Variants in DPF3 observed in about 807,000 individuals in gnomAD.
The protein encoded by DPF3 is double PHD fingers 3.
DPF3 carries 18 observed loss-of-function variants against 56.8 expected under a neutral mutation model. The ratio of observed to expected loss-of-function variants is 0.32; its 90% CI spans 0.22 to 0.47. The LOEUF (loss-of-function observed/expected upper bound fraction) is 0.47, where lower values mean the gene tolerates loss of function less well. Ranked by LOEUF, DPF3 falls within the 20% of genes least tolerant of loss-of-function variation. The pLI is 1.00. For synonymous variants in DPF3, 188 were observed against 180.2 expected (o/e 1.04, Z -0.35); for missense variants, 403 against 488.8 (o/e 0.82, Z 1.65).
intron 2 of DPF3, among the ~76,000 whole-genome samples, chr14:72,764,353 G>A (rs1400554804): frequency 1.3e-5 from 2 of 152,088 alleles, no homozygotes; most frequent in Non-Finnish European, 2.9e-5. Context: ...TGGCTCACCT[G>A]GAGAAGGCAT....
chr14:72,838,908 C>CTTTTTTTTTTTTTT lies in DPF3; in HGVS notation c.32+55135_32+55148dup, dbSNP rs376458640. ...TATCATATATATTATCATATATATT[C>CTTTTTTTTTTTTTT]TTTTTTTTTTTTTTTTTTTTTTTTT... On this transcript the variant is annotated intron_variant, in intron 1 of 10. Coordinates refer to ENST00000556509, the MANE Select transcript of DPF3 (RefSeq NM_001280542.3). Among the ~76,000 whole-genome samples, 21 of 78,586 alleles carry CTTTTTTTTTTTTTT rather than the reference C, an allele frequency of 2.7e-4. 3 individuals carry two copies. Among genetic ancestry groups the CTTTTTTTTTTTTTT allele is most frequent in the African/African-American group, 1.2e-3 (18 of 14,410 alleles). The allele number at this position is 78,586 out of a possible 152,430, so 51.6% of individuals were successfully genotyped here.
At chr14:72,731,323 G>C (rs1184114466) in intron 4 of DPF3, 1 of 164,112 alleles carries the variant, frequency 6.1e-6, no homozygotes, top group Non-Finnish European at 1.3e-5. Context: ...GCATGGGCTT[G>C]AGGGATGGCT....
At chr14:72,862,236 G>A (rs1162267965) in intron 1 of DPF3, among the ~76,000 whole-genome samples, 1 of 152,072 alleles carries the variant, frequency 6.6e-6, no homozygotes, top group Non-Finnish European at 1.5e-5. Flanking sequence ...CAATGCACCT[G>A]CTCTTGGCCA....
chr14:72,872,479 C>T (rs901924502), intron 1 of DPF3, among the ~76,000 whole-genome samples: 2 of 152,216 alleles, frequency 1.3e-5, no homozygotes, highest in Non-Finnish European at 2.9e-5. Context: ...ATGCCTTTAA[C>T]AGCACCCAAG....
chr14:72,753,072 C>T (rs1403910123), intron 3 of DPF3, among the ~76,000 whole-genome samples, 192 bp downstream of exon 3: 1 of 152,166 alleles, frequency 6.6e-6, no homozygotes, highest in Admixed American at 6.5e-5. Context: ...GGGAGAAAAG[C>T]TCAGGTGGAC....
chr14:72,745,790 A>G (rs983288090), intron 3 of DPF3, among the ~76,000 whole-genome samples: 3 of 152,202 alleles, frequency 2.0e-5, no homozygotes, highest in African/African-American at 7.2e-5. Flanking sequence ...CGCGCGAAGT[A>G]TCAGCCAAAA....
intron 9 of DPF3, among the ~76,000 whole-genome samples, chr14:72,628,043 T>C (rs192727302): frequency 8.5e-5 from 13 of 152,220 alleles, no homozygotes; most frequent in African/African-American, 2.6e-4. Flanking sequence ...AGATATACTA[T>C]CATATAATAC....
intron 1 of DPF3, among the ~76,000 whole-genome samples, chr14:72,867,639 C>T (rs779755749): frequency 2.6e-5 from 4 of 152,200 alleles, no homozygotes; most frequent in East Asian, 1.9e-4. Context: ...AGATGCCCCG[C>T]CCTCCATGAC....
At chr14:72,767,096 A>G (rs1891318650) in intron 2 of DPF3, among the ~76,000 whole-genome samples, 1 of 152,234 alleles carries the variant, frequency 6.6e-6, no homozygotes, top group Non-Finnish European at 1.5e-5. Flanking sequence ...GAGGATGTCA[A>G]CAGAAGCCAA....
At chr14:72,844,122 G>C (rs1226783142) in intron 1 of DPF3, among the ~76,000 whole-genome samples, 1 of 152,172 alleles carries the variant, frequency 6.6e-6, no homozygotes, top group Non-Finnish European at 1.5e-5. Flanking sequence ...GACAAAAGGA[G>C]TACTGAGATA....
intron 5 of DPF3, among the ~76,000 whole-genome samples, chr14:72,719,752 C>T (rs1013804567): frequency 1.3e-5 from 2 of 152,114 alleles, no homozygotes; most frequent in African/African-American, 4.8e-5. Context: ...TTTGCTTGCC[C>T]CCTCCTGATA....
At chr14:72,874,072 T>TAA (rs60863230) in intron 1 of DPF3, among the ~76,000 whole-genome samples, 33,787 of 129,518 alleles carry the variant, frequency 0.26, 4,340 homozygotes, top group East Asian at 0.5. Flanking sequence ...TAAAGTATGA[T>TAA]AAAAAAAAAA....
At chr14:72,678,651 T>G (rs921877311) in intron 7 of DPF3, among the ~76,000 whole-genome samples, 13 of 152,220 alleles carry the variant, frequency 8.5e-5, no homozygotes, top group African/African-American at 2.4e-4. Context: ...GTAAGTGGGA[T>G]TTAAATAGAG....
At chr14:72,642,188 C>T (rs1391936789) in intron 8 of DPF3, among the ~76,000 whole-genome samples, 1 of 152,254 alleles carries the variant, frequency 6.6e-6, no homozygotes, top group African/African-American at 2.4e-5. Context: ...TGTGACACAC[C>T]ACCCACCCAA....
intron 3 of DPF3, among the ~76,000 whole-genome samples, chr14:72,735,073 T>A (rs1258127314): frequency 6.6e-6 from 1 of 152,082 alleles, no homozygotes; most frequent in East Asian, 1.9e-4. Context: ...TTAAACTCAA[T>A]CTGCCTTCAG....
chr14:72,815,634 G>A (rs1411744219), intron 1 of DPF3, among the ~76,000 whole-genome samples: 3 of 152,218 alleles, frequency 2.0e-5, no homozygotes, highest in East Asian at 3.8e-4. Context: ...ACAGTGGAAC[G>A]CACCCATACA....
chr14:72,776,206 T>C (rs1461145910), intron 1 of DPF3, among the ~76,000 whole-genome samples: 1 of 152,112 alleles, frequency 6.6e-6, no homozygotes, highest in Non-Finnish European at 1.5e-5. Flanking sequence ...ATTGATGTCT[T>C]AGGCTAGAGG....
Position 72,611,116 on chromosome 14 carries a change from C to T in DPF3, c.*8181G>A, listed in dbSNP as rs1599298372. ...CCCAGAGGAGCCTTCCCTTGGGCCA[C>T]CCCCCACAGAGAAGCTATAGCTCTG... On this transcript the variant is annotated 3_prime_UTR_variant, in exon 11 of 11. Coordinates refer to ENST00000556509, the MANE Select transcript of DPF3 (RefSeq NM_001280542.3). Among the ~76,000 whole-genome samples, 2 of 152,288 alleles carry T rather than the reference C, an allele frequency of 1.3e-5. No homozygotes were observed. Among genetic ancestry groups the T allele is most frequent in the East Asian group, 1.9e-4 (1 of 5,178 alleles).
rs569086166 is a variant in DPF3 at position 72,609,456 on chromosome 14, C to G, written c.*9841G>C. On this transcript the variant is annotated 3_prime_UTR_variant, in exon 11 of 11. Transcript: ENST00000556509. The stretch of plus-strand genomic sequence containing the variant: ...CACAATCTGCCAGCTCTCTGGGAAT[C>G]ACAGAACCATCATGTCCCCTTAGGA... Among the ~76,000 whole-genome samples the G allele has an allele frequency of 3.5e-4, 54 of 152,310 alleles. No homozygotes were observed. Among genetic ancestry groups the G allele is most frequent in the Non-Finnish European group, 6.8e-4 (46 of 68,018 alleles).
Sources: allele counts gnomAD v4.1 joint callset (sites outside exome capture counted in the v4.1 genomes callset), GRCh38; gene constraint gnomAD v4.1.1; transcripts MANE v1.5; gene names NCBI Gene and HGNC (gene_info 2026-07-23, HGNC 2026-07-21).